RRP15: variants seen among roughly 807,000 people sequenced by gnomAD.
The protein encoded by RRP15 is ribosomal RNA processing 15 homolog.
A neutral mutation model predicts 27.1 loss-of-function variants in RRP15; 18 were observed. The ratio of observed to expected loss-of-function variants is 0.66; its 90% CI spans 0.46 to 0.98. The LOEUF (loss-of-function observed/expected upper bound fraction) is 0.98. RRP15 is among the 50% of genes least tolerant of loss of function. RRP15 has a pLI of 0.00. For synonymous variants in RRP15, 107 were observed against 109.4 expected, an observed-to-expected ratio of 0.98 and a Z score of 0.14; for missense variants, 359 against 337.8, an observed-to-expected ratio of 1.06 and a Z score of -0.49.
chr1:218,286,324 T>C (rs1655548638), intron 1 of RRP15, among the ~76,000 whole-genome samples: 1 of 152,174 alleles, frequency 6.6e-6, no homozygotes, highest in Non-Finnish European at 1.5e-5. Context: ...CTAACTGTAA[T>C]CATGCCATAC....
intron 4 of RRP15, among the ~76,000 whole-genome samples, chr1:218,310,939 G>A (rs1424493751): frequency 6.6e-6 from 1 of 151,860 alleles, no homozygotes; most frequent in Non-Finnish European, 1.5e-5. Flanking sequence ...AGTAGAGACA[G>A]GGTTTCACCA....
chr1:218,313,893 T>G (rs895271946), intron 4 of RRP15, among the ~76,000 whole-genome samples: 3 of 152,210 alleles, frequency 2.0e-5, no homozygotes, highest in Non-Finnish European at 4.4e-5. Context: ...TTCGATCAAA[T>G]ACAGGAAGCA....
chr1:218,308,197 G>A (rs1655933887), intron 4 of RRP15, among the ~76,000 whole-genome samples: 2 of 148,170 alleles, frequency 1.3e-5, no homozygotes, highest in South Asian at 4.3e-4. Flanking sequence ...TCAGCCTCCT[G>A]AGTAGCCAGG....
chr1:218,336,537 A>G lies in RRP15; in HGVS notation c.*5446A>G, dbSNP rs1437811594. 1 of 152,632 alleles carries G rather than the reference A, an allele frequency of 6.6e-6. No homozygotes were observed. The highest frequency in any genetic ancestry group is 1.5e-5 in the Non-Finnish European group (1 of 68,056). 9.5% of individuals were successfully genotyped at this position (152,632 alleles called of 1,614,324 possible). ...TTGATTCACCCTCAGGCTACCAGAC[A>G]GTTGCCTCTTTGCATTTGCAGAACC... On this transcript the variant is annotated 3_prime_UTR_variant, in exon 5 of 5. Transcript: ENST00000366932.
At chr1:218,322,203 T>C (rs1656197261) in intron 4 of RRP15, among the ~76,000 whole-genome samples, 1 of 152,212 alleles carries the variant, frequency 6.6e-6, no homozygotes, top group South Asian at 2.1e-4. Context: ...CAGCTCTTTA[T>C]TAACTCTGAA....
intron 4 of RRP15, among the ~76,000 whole-genome samples, chr1:218,329,285 T>G (rs770652534): frequency 8.6e-4 from 120 of 139,148 alleles, no homozygotes; most frequent in Middle Eastern, 4.4e-3. Context: ...CCAGGCATGA[T>G]GGTGTGCACC....
chr1:218,315,884 G>A (rs1656083239), intron 4 of RRP15, among the ~76,000 whole-genome samples: 1 of 152,278 alleles, frequency 6.6e-6, no homozygotes, highest in Admixed American at 6.5e-5. Context: ...TCTCTAACAG[G>A]AATGTGTGGA....
At chr1:218,312,619 T>A (rs1656021387) in intron 4 of RRP15, among the ~76,000 whole-genome samples, 1 of 152,176 alleles carries the variant, frequency 6.6e-6, no homozygotes. Context: ...AAGAGGAACC[T>A]TCTTTGCCAA....
chr1:218,328,556 G>T (rs940426464), intron 4 of RRP15, among the ~76,000 whole-genome samples: 2 of 152,004 alleles, frequency 1.3e-5, no homozygotes, highest in African/African-American at 4.8e-5. Context: ...CCAGCTACTC[G>T]GGAGGCTGAG....
intron 4 of RRP15, among the ~76,000 whole-genome samples, chr1:218,325,589 A>T (rs976169877): frequency 6.6e-6 from 1 of 151,854 alleles, no homozygotes; most frequent in Non-Finnish European, 1.5e-5. Flanking sequence ...GAATCTTTCG[A>T]TTTCTGATTA....
intron 1 of RRP15, among the ~76,000 whole-genome samples, chr1:218,286,900 G>A (rs1019625080): frequency 6.6e-6 from 1 of 151,506 alleles, no homozygotes; most frequent in South Asian, 2.1e-4. Flanking sequence ...AAGAAGGGAA[G>A]AGTACTATAT....
chr1:218,317,499 C>G lies in RRP15; in HGVS notation c.705+9867C>G, dbSNP rs139433569. Among the ~76,000 whole-genome samples the G allele has an allele frequency of 6.1e-3, 928 of 152,280 alleles. 6 individuals are homozygous for G. The highest frequency in any genetic ancestry group is 0.022 in the African/African-American group (896 of 41,546). On this transcript the variant is annotated intron_variant, in intron 4 of 4. Coordinates refer to ENST00000366932, the MANE Select transcript of RRP15 (RefSeq NM_016052.4). The stretch of plus-strand genomic sequence containing the variant: ...AATGAAGTCTGACACATTTTAAAAT[C>G]TGATTTCTCAAAACTGTTATGTAAG...
chr1:218,309,420 C>T (rs1304537544), intron 4 of RRP15, among the ~76,000 whole-genome samples: 2 of 152,142 alleles, frequency 1.3e-5, no homozygotes, highest in Non-Finnish European at 2.9e-5. Context: ...TGCGGTGGCT[C>T]ATGCCTGTAA....
rs1656435548 is a variant in RRP15, at chr1:218,335,559, G to C, written c.*4468G>C. 2 of 152,170 alleles carry C rather than the reference G, an allele frequency of 1.3e-5. No individual in the cohort carries two copies. Among genetic ancestry groups the C allele is most frequent in the Admixed American group, 1.3e-4 (2 of 15,270 alleles). The allele number at this position is 152,170 out of a possible 1,614,324, so 9.4% of individuals were successfully genotyped here. On this transcript the variant is annotated 3_prime_UTR_variant, in exon 5 of 5. Coordinates refer to ENST00000366932, the MANE Select transcript of RRP15 (RefSeq NM_016052.4). ...AGCCACTCGCAGAGGTGACTACTGA[G>C]CATTTCACGTGTGGCTTGTGATACA...
chr1:218,304,948 T>C (rs1655873560), intron 2 of RRP15, 80 bp from the exon 3 acceptor site: 3 of 1,302,200 alleles, frequency 2.3e-6, no homozygotes, highest in Admixed American at 3.8e-5. Context: ...CCTTCACCCT[T>C]TCACAGAGTA....
chr1:218,322,915 C>T (rs1318628216), intron 4 of RRP15, among the ~76,000 whole-genome samples: 3 of 152,170 alleles, frequency 2.0e-5, no homozygotes, highest in Admixed American at 2.0e-4. Flanking sequence ...AGAGTGGGGT[C>T]CTGCCACTGA....
intron 4 of RRP15, among the ~76,000 whole-genome samples, chr1:218,317,726 C>CT (rs34893347): frequency 0.026 from 3,156 of 119,570 alleles, 40 homozygotes; most frequent in African/African-American, 0.09. Flanking sequence ...GCCCCACACC[C>CT]TTTTTTTTTT....
At chr1:218,299,631 AT>A (rs925339139) in intron 1 of RRP15, among the ~76,000 whole-genome samples, 5 of 152,102 alleles carry the variant, frequency 3.3e-5, no homozygotes, top group Non-Finnish European at 2.9e-5. Context: ...GCTAGTCAAG[AT>A]TTTTCTGCTT....
intron 1 of RRP15, among the ~76,000 whole-genome samples, chr1:218,295,461 A>G (rs1655704933): frequency 6.6e-6 from 1 of 152,222 alleles, no homozygotes; most frequent in Non-Finnish European, 1.5e-5. Context: ...CAGGTTTTCC[A>G]GGCAGCTAAA....
Sources: gnomAD v4.1 joint callset for allele counts (sites outside exome capture counted in the v4.1 genomes callset) on GRCh38, gnomAD v4.1.1 for gene constraint, MANE v1.5 for transcripts, NCBI Gene and HGNC (gene_info 2026-07-23, HGNC 2026-07-21) for gene names.